PPP1R2: variants seen among roughly 807,000 people sequenced by gnomAD.
The protein encoded by PPP1R2 is protein phosphatase 1 regulatory inhibitor subunit 2.
In PPP1R2, 16 loss-of-function variants were observed where a neutral mutation model predicts 29.9. That is an observed-to-expected ratio of 0.53 (90% CI 0.36 to 0.81). The LOEUF is 0.81. PPP1R2 is among the 30% of genes least tolerant of loss of function. The pLI is 0.00. For synonymous variants in PPP1R2, 76 were observed against 91.5 expected, an observed-to-expected ratio of 0.83 and a Z score of 0.96; for missense variants, 197 against 252.7, an observed-to-expected ratio of 0.78 and a Z score of 1.49.
At chr3:195,524,944 A>T (rs1235308838) in intron 2 of PPP1R2, 48 bp from the exon 3 acceptor site, 1 of 1,526,786 alleles carries the variant, frequency 6.5e-7, no homozygotes. Context: ...ATACATTTTC[A>T]GCCACAAAAA....
chr3:195,530,256 C>A (rs1447787873), intron 1 of PPP1R2, among the ~76,000 whole-genome samples: 1 of 152,158 alleles, frequency 6.6e-6, no homozygotes, highest in East Asian at 1.9e-4. Context: ...CATTTTTGAT[C>A]TATATATCAG....
chr3:195,528,702 A>ACTTT (rs1719069862), intron 2 of PPP1R2: 6 of 59,968 alleles, frequency 1.0e-4, no homozygotes, highest in African/African-American at 4.8e-4. Context: ...GGGCATAACT[A>ACTTT]TTTTTTTTTT....
rs1451154751 is a variant in PPP1R2 at position 195,515,685 on chromosome 3, C to T, written c.*1211G>A. 1 of 152,170 alleles carries T rather than the reference C, an allele frequency of 6.6e-6. No individual in the cohort carries two copies. The highest frequency in any genetic ancestry group is 1.5e-5 in the Non-Finnish European group (1 of 67,994). The allele number at this position is 152,170 out of a possible 1,614,324, so 9.4% of individuals were successfully genotyped here. A position where few individuals can be genotyped will look rare whatever the true frequency, so the allele number is the denominator to read the frequency against. On this transcript the variant is annotated 3_prime_UTR_variant, in exon 6 of 6. Transcript: ENST00000618156. ...TATTTAACAATGTCCAGGCTTACTT[C>T]TGTCTGTACATTCAGGAATAATCAT...
chr3:195,536,788 CA>C (rs10717955), intron 1 of PPP1R2, among the ~76,000 whole-genome samples: 20,955 of 72,502 alleles, frequency 0.29, 1,018 homozygotes, highest in East Asian at 0.36. Flanking sequence ...AACTCCGTCT[CA>C]AAAAAAAAAA....
intron 5 of PPP1R2, among the ~76,000 whole-genome samples, chr3:195,518,054 T>C (rs1427403560): frequency 6.6e-6 from 1 of 152,094 alleles, no homozygotes; most frequent in African/African-American, 2.4e-5. Context: ...ACGCCTCCAC[T>C]GAAAAGTATG....
At position 195,516,930 on chromosome 3, in the gene PPP1R2, C is replaced by G; in HGVS notation, c.584G>C (p.Ser195Thr). ...TCGTAATTTGTTTTGCTGTTGGTCACTTGGAGTAGATCCTGCAAAGATAAA... is the reference window on the plus strand; with the variant it reads ...TCGTAATTTGTTTTGCTGTTGGTCAGTTGGAGTAGATCCTGCAAAGATAAA... ...TEESNQGSTP[S>T]DQQQNKLRSS Residue 195 changes from serine to threonine, a missense_variant, in exon 6 of 6, where the codon AGT becomes ACT. Transcript: ENST00000618156. 3 of 1,612,624 alleles carry G rather than the reference C, an allele frequency of 1.9e-6. No individual in the cohort carries two copies. The highest frequency in any genetic ancestry group is 8.5e-7 in the Non-Finnish European group (1 of 1,178,876).
At chr3:195,523,480 T>C (rs2108941432) in intron 4 of PPP1R2, among the ~76,000 whole-genome samples, 1 of 152,366 alleles carries the variant, frequency 6.6e-6, no homozygotes, top group South Asian at 2.1e-4. Flanking sequence ...ACTTTAAAGA[T>C]GGTAATACTT....
chr3:195,534,699 T>A (rs559381825), intron 1 of PPP1R2, among the ~76,000 whole-genome samples: 11 of 148,708 alleles, frequency 7.4e-5, no homozygotes, highest in South Asian at 6.4e-4. Context: ...GAACTGCTTT[T>A]AAAAAAAAAA....
intron 4 of PPP1R2, among the ~76,000 whole-genome samples, chr3:195,520,043 T>C (rs557319426): frequency 1.3e-5 from 2 of 152,270 alleles, no homozygotes; most frequent in East Asian, 3.9e-4. Context: ...GGAGTTTCAC[T>C]CTAATTGCCC....
Position 195,515,566 on chromosome 3 carries a change from T to G in PPP1R2, c.*1330A>C, listed in dbSNP as rs780986130. On this transcript the variant is annotated 3_prime_UTR_variant, in exon 6 of 6. Coordinates refer to ENST00000618156, the MANE Select transcript of PPP1R2 (RefSeq NM_006241.8). The stretch of plus-strand genomic sequence containing the variant: ...ACACACAGGGCTTTCCTGCACTTGG[T>G]TGAAGGAAAAAATTCCACCTAATTC... The G allele has an allele frequency of 6.6e-6, 1 of 152,516 alleles. No individual in the cohort carries two copies. The highest frequency in any genetic ancestry group is 2.4e-5 in the African/African-American group (1 of 41,434). The allele number at this position is 152,516 out of a possible 1,614,324, so 9.4% of individuals were successfully genotyped here. A position where few individuals can be genotyped will look rare whatever the true frequency, so the allele number is the denominator to read the frequency against.
In PPP1R2 at chr3:195,542,949, A is replaced by G. The variant is rs1462136065; in HGVS notation, c.77T>C (p.Val26Ala). 2 of 1,603,550 alleles carry G rather than the reference A, an allele frequency of 1.2e-6. No homozygotes were observed. ...KNKTSTTSSM[V>A]ASAEQPRGNV... ...CCCGCGGGGCTGTTCGGCCGACGCC[A>G]CCATAGAGGAAGTCGTAGAGGTCTT... Residue 26 changes from valine to alanine, a missense_variant, in exon 1 of 6, where the codon GTG becomes GCG. Transcript: ENST00000618156.
chr3:195,537,519 G>GTGTGTGTGTGTGTGTGTGTGTGTGTT (rs1338052818), intron 1 of PPP1R2, among the ~76,000 whole-genome samples: 2 of 150,166 alleles, frequency 1.3e-5, no homozygotes, highest in Non-Finnish European at 3.0e-5. Context: ...GTGTGTGTGT[G>GTGTGTGTGTGTGTGTGTGTGTGTGTT]TTTCCATTTC....
chr3:195,535,315 T>C (rs1291290340), intron 1 of PPP1R2, among the ~76,000 whole-genome samples: 1 of 152,192 alleles, frequency 6.6e-6, no homozygotes, highest in East Asian at 1.9e-4. Flanking sequence ...GTGGGGATCC[T>C]TGCTCTATGG....
chr3:195,541,743 T>C (rs1363128191), intron 1 of PPP1R2, among the ~76,000 whole-genome samples: 3 of 152,104 alleles, frequency 2.0e-5, no homozygotes, highest in Non-Finnish European at 4.4e-5. Context: ...AAATTGTGTG[T>C]GAGAGAATGT....
intron 1 of PPP1R2, among the ~76,000 whole-genome samples, chr3:195,536,730 G>A (rs901130846): frequency 1.0e-4 from 15 of 148,774 alleles, no homozygotes; most frequent in South Asian, 2.1e-4. Flanking sequence ...AAAGGTTGCC[G>A]TGAGCTGAGA....
At chr3:195,518,528 G>T (rs967513173) in intron 5 of PPP1R2, among the ~76,000 whole-genome samples, 3 of 151,990 alleles carry the variant, frequency 2.0e-5, no homozygotes, top group Non-Finnish European at 4.4e-5. Flanking sequence ...GCAGGCGCCT[G>T]TAATCCCAGC....
intron 1 of PPP1R2, among the ~76,000 whole-genome samples, chr3:195,534,658 C>T (rs2108951377): frequency 6.6e-6 from 1 of 152,162 alleles, no homozygotes; most frequent in Admixed American, 6.5e-5. Flanking sequence ...CATGTTCTGT[C>T]CCCAGGGTAA....
chr3:195,519,311 G>T, intron 4 of PPP1R2, 126 bp from the exon 5 acceptor site: 1 of 711,604 alleles, frequency 1.4e-6, no homozygotes. Flanking sequence ...GGCTGCTTTT[G>T]TGTTCAATGG....
chr3:195,536,280 G>A (rs530456005), intron 1 of PPP1R2, among the ~76,000 whole-genome samples: 1 of 130,912 alleles, frequency 7.6e-6, no homozygotes, highest in Non-Finnish European at 1.6e-5. Context: ...GCAACATAGC[G>A]AGACCCTGTC....
Sources: gnomAD v4.1 joint callset for allele counts (sites outside exome capture counted in the v4.1 genomes callset) on GRCh38, gnomAD v4.1.1 for gene constraint, MANE v1.5 for transcripts, NCBI Gene and HGNC (gene_info 2026-07-23, HGNC 2026-07-21) for gene names.